The following SLC22A3 variants were observed in gnomAD, a reference collection of about 807,000 sequenced individuals.
SLC22A3 encodes EMT organic cation transporter 3.
In SLC22A3, 51 loss-of-function variants were observed where a neutral mutation model predicts 59.1. The ratio of observed to expected loss-of-function variants is 0.86; its 90% CI spans 0.69 to 1.09. The LOEUF is 1.09. Ranked by LOEUF, SLC22A3 falls within the 50% of genes least tolerant of loss-of-function variation. SLC22A3 has a pLI of 0.00. For missense variants in SLC22A3, 711 were observed against 726.3 expected, an observed-to-expected ratio of 0.98 and a Z score of 0.24; for synonymous variants, 325 against 292.0, an observed-to-expected ratio of 1.11 and a Z score of -1.15.
In SLC22A3 at chr6:160,415,700, G is replaced by A. The variant is rs1469095795; in HGVS notation, c.975+4854G>A. 2.0e-5 allele frequency among the ~76,000 whole-genome samples: 3 copies of A among 152,158 alleles called. No individual in the cohort carries two copies. Among genetic ancestry groups the A allele is most frequent in the African/African-American group, 7.2e-5 (3 of 41,428 alleles). On this transcript the variant is annotated intron_variant, in intron 5 of 10. Transcript: ENST00000275300. This position sits in a 1 kb window ranked among gnomAD's most constrained non-coding sequence, Gnocchi z 4.1. The stretch of plus-strand genomic sequence containing the variant: ...ATTCTCAGGGTGCCCATTATAGGGT[G>A]CGGAGAAGGTTAGAATGGATTTGAA...
intron 2 of SLC22A3, among the ~76,000 whole-genome samples, chr6:160,400,762 A>G (rs545624260): frequency 6.6e-6 from 1 of 152,198 alleles, no homozygotes; most frequent in East Asian, 1.9e-4. Flanking sequence ...ATGTAAAACA[A>G]CTATGCCAAG....
In SLC22A3 at chr6:160,452,360, T is replaced by C. The variant is rs187135071; in HGVS notation, c.*1304T>C. The C allele has an allele frequency of 5.8e-4, 88 of 152,338 alleles. No individual in the cohort carries two copies. Among genetic ancestry groups the C allele is most frequent in the African/African-American group, 2.1e-3 (86 of 41,576 alleles). The allele number at this position is 152,338 out of a possible 1,614,324, so 9.4% of individuals were successfully genotyped here. On this transcript the variant is annotated 3_prime_UTR_variant, in exon 11 of 11. Transcript: ENST00000275300. Reference sequence around the variant, plus strand: ...TAATCGTAAAATGAGCATCTTAGTCTTTAAAACACATCAGAATTGAATACG... The same window carrying C: ...TAATCGTAAAATGAGCATCTTAGTCCTTAAAACACATCAGAATTGAATACG...
chr6:160,418,172 G>A lies in SLC22A3; in HGVS notation c.975+7326G>A, dbSNP rs762866745. 2.6e-5 allele frequency among the ~76,000 whole-genome samples: 4 copies of A among 152,288 alleles called. No homozygotes were observed. In the South Asian group the frequency reaches 8.3e-4, roughly 32 times the overall value. ...GGAAGCCTCCCCTCAATGTGGGTGA[G>A]CACCATCCAGTTGGCTGCCAGTGTG... On this transcript the variant is annotated intron_variant, in intron 5 of 10. Transcript: ENST00000275300.
At chr6:160,389,150 G>T (rs1786144231) in intron 1 of SLC22A3, among the ~76,000 whole-genome samples, 1 of 152,184 alleles carries the variant, frequency 6.6e-6, no homozygotes, top group Admixed American at 6.5e-5. Context: ...ACATGATGAT[G>T]AAATATCTCG....
rs1583486577 is a variant in SLC22A3, at chr6:160,408,826, C to A, written c.762C>A (p.Ile254=). ...TTCAAATGTTCTTTACCCTTGGAAT[C>A]ATAATTCTCCCTGGAATTGCCTACT... ...IVIQMFFTLG[I]IILPGIAYFI... Residue 254 remains isoleucine, a synonymous_variant, in exon 4 of 11, where the codon ATC becomes ATA. Coordinates refer to ENST00000275300, the MANE Select transcript of SLC22A3 (RefSeq NM_021977.4). 6.2e-7 allele frequency: 1 copy of A among 1,613,742 alleles called. No homozygotes were observed. The highest frequency in any genetic ancestry group is 8.5e-7 in the Non-Finnish European group (1 of 1,179,798).
At chr6:160,349,240 G>A (rs1442974697) in intron 1 of SLC22A3, among the ~76,000 whole-genome samples, 1 of 152,208 alleles carries the variant, frequency 6.6e-6, no homozygotes, top group Non-Finnish European at 1.5e-5. Flanking sequence ...GGGAACTTCA[G>A]TCTCTGGGGT....
chr6:160,386,065 G>A (rs1785996253), intron 1 of SLC22A3, among the ~76,000 whole-genome samples: 1 of 152,220 alleles, frequency 6.6e-6, no homozygotes, highest in Admixed American at 6.5e-5. Context: ...TGTCAGTGGT[G>A]TGGCTTTTTC....
At chr6:160,363,667 G>T (rs1166972130) in intron 1 of SLC22A3, among the ~76,000 whole-genome samples, 1 of 152,110 alleles carries the variant, frequency 6.6e-6, no homozygotes, top group Non-Finnish European at 1.5e-5. Flanking sequence ...GCCACACTCC[G>T]CAGAATGCTG....
intron 1 of SLC22A3, among the ~76,000 whole-genome samples, chr6:160,392,555 T>C (rs1436823074): frequency 6.6e-6 from 1 of 152,230 alleles, no homozygotes; most frequent in Non-Finnish European, 1.5e-5. Flanking sequence ...CAAACAAAAT[T>C]GGAGTGATCT....
Position 160,450,975 on chromosome 6 carries a change from C to T in SLC22A3, c.1611-21C>T, listed in dbSNP as rs778704356. On this transcript the variant is annotated intron_variant, in intron 10 of 10. Coordinates refer to ENST00000275300, the MANE Select transcript of SLC22A3 (RefSeq NM_021977.4). ...CTAGTTACATAATCTTTCCTAAAGACTTTCTCCTTTGTTTTTTCAGTCCAC... is the reference window on the plus strand; with the variant it reads ...CTAGTTACATAATCTTTCCTAAAGATTTTCTCCTTTGTTTTTTCAGTCCAC... 5.1e-6 allele frequency: 8 copies of T among 1,575,798 alleles called. No homozygotes were observed. The Admixed American group carries it at 6.9e-5, about 14-fold the overall frequency.
rs1297704953 is a variant in SLC22A3, at chr6:160,408,666, G to A, written c.689-87G>A. The A allele has an allele frequency of 2.2e-5, 29 of 1,294,618 alleles. No homozygotes were observed. The South Asian group carries it at 2.9e-4, about 13-fold the overall frequency. 80.2% of individuals were successfully genotyped at this position (1,294,618 alleles called of 1,614,324 possible). ...GCGTGTTCTAGCAATGCTGATGGATGTAACAGGTGTAACATCTCTGTATTT... is the reference window on the plus strand; with the variant it reads ...GCGTGTTCTAGCAATGCTGATGGATATAACAGGTGTAACATCTCTGTATTT... On this transcript the variant is annotated intron_variant, in intron 3 of 10. Coordinates refer to ENST00000275300, the MANE Select transcript of SLC22A3 (RefSeq NM_021977.4).
intron 2 of SLC22A3, among the ~76,000 whole-genome samples, chr6:160,403,523 G>A (rs1181931609): frequency 6.6e-6 from 1 of 151,992 alleles, no homozygotes; most frequent in Non-Finnish European, 1.5e-5. Context: ...TAGAAGTAGA[G>A]GGATTGCTTT....
intron 5 of SLC22A3, among the ~76,000 whole-genome samples, chr6:160,422,358 C>T (rs2114885080): frequency 6.6e-6 from 1 of 152,284 alleles, no homozygotes; most frequent in Non-Finnish European, 1.5e-5. Flanking sequence ...AAAAAGGTAT[C>T]AGGTGCTGGA....
At chr6:160,387,353 G>A (rs1269359361) in intron 1 of SLC22A3, among the ~76,000 whole-genome samples, 4 of 152,172 alleles carry the variant, frequency 2.6e-5, no homozygotes, top group South Asian at 4.1e-4. Flanking sequence ...GTGAGCAGGA[G>A]TCTGACCCCC....
In SLC22A3 at chr6:160,348,595, T is replaced by C. The variant is rs1001642399; in HGVS notation, c.176T>C (p.Leu59Pro). Residue 59 changes from leucine (L) to proline (P), a missense_variant, in exon 1 of 11, where the codon CTG (leucine) becomes CCG (proline). Physicochemically the swap from Leu to Pro is moderately conservative, Grantham distance 98. Coordinates refer to ENST00000275300, the MANE Select transcript of SLC22A3 (RefSeq NM_021977.4). ...TGCCGCGGGCCAAGTGCCGCGGCGC[T>C]GGCCGAGCGCTGCGGCTGGAGCCCG... ...YWCRGPSAAA[L>P]AERCGWSPEE... The C allele has an allele frequency of 6.6e-7, 1 of 1,515,920 alleles. No individual in the cohort carries two copies. Among genetic ancestry groups the C allele is most frequent in the Non-Finnish European group, 8.8e-7 (1 of 1,140,766 alleles). The allele number at this position is 1,515,920 out of a possible 1,614,324, so 93.9% of individuals were successfully genotyped here.
At chr6:160,357,033 T>A (rs747954539) in intron 1 of SLC22A3, among the ~76,000 whole-genome samples, 1 of 152,166 alleles carries the variant, frequency 6.6e-6, no homozygotes, top group Non-Finnish European at 1.5e-5. Context: ...CAGGCATCCA[T>A]CCCACCTTCC....
At chr6:160,391,469 C>A (rs937350512) in intron 1 of SLC22A3, among the ~76,000 whole-genome samples, 1 of 152,016 alleles carries the variant, frequency 6.6e-6, no homozygotes, top group African/African-American at 2.4e-5. Flanking sequence ...TATATTATAC[C>A]AATGACTCAT....
intron 1 of SLC22A3, among the ~76,000 whole-genome samples, chr6:160,390,277 GA>G (rs1158336362): frequency 6.6e-6 from 1 of 152,102 alleles, no homozygotes; most frequent in Non-Finnish European, 1.5e-5. Context: ...GAAGAGGGGG[GA>G]AAGCAAGAGC....
chr6:160,429,269 C>T (rs1313930929), intron 5 of SLC22A3, among the ~76,000 whole-genome samples: 1 of 152,216 alleles, frequency 6.6e-6, no homozygotes, highest in Non-Finnish European at 1.5e-5. Flanking sequence ...GATGCATTCA[C>T]TGAATAAATC....
Sources: gnomAD v4.1 joint callset for allele counts (sites outside exome capture counted in the v4.1 genomes callset) on GRCh38, gnomAD v4.1.1 for gene constraint, Gnocchi (gnomAD v3.1) non-coding constraint, MANE v1.5 for transcripts, NCBI Gene and HGNC (gene_info 2026-07-23, HGNC 2026-07-21) for gene names.